Variants in RSRC2 observed in about 807,000 individuals in gnomAD.
RSRC2 encodes arginine/serine-rich coiled-coil protein 2.
In RSRC2, 5 loss-of-function variants were observed where a neutral mutation model predicts 61.3. The ratio of observed to expected loss-of-function variants is 0.08; its 90% confidence interval spans 0.04 to 0.17. The LOEUF is 0.17. Ranked by LOEUF, RSRC2 falls within the 10% of genes least tolerant of loss-of-function variation. RSRC2 has a pLI of 1.00. For missense variants in RSRC2, 381 were observed against 518.8 expected, an observed-to-expected ratio of 0.73 and a Z score of 2.58; for synonymous variants, 202 against 166.5, an observed-to-expected ratio of 1.21 and a Z score of -1.64.
chr12:122,513,719 G>C (rs1179102880), intron 6 of RSRC2: 18 of 883,010 alleles, frequency 2.0e-5, no homozygotes, highest in Non-Finnish European at 2.0e-5. Context: ...TGAAGATTTG[G>C]AATTAATACC....
chr12:122,515,336 G>A, intron 5 of RSRC2, 109 bp from the exon 6 acceptor site: 1 of 1,100,108 alleles, frequency 9.1e-7, no homozygotes, highest in Non-Finnish European at 1.3e-6. Flanking sequence ...AAAACATTTA[G>A]TTTGAGATGC....
At chr12:122,525,374 C>G (rs1300990383) in intron 1 of RSRC2, among the ~76,000 whole-genome samples, 1 of 152,018 alleles carries the variant, frequency 6.6e-6, no homozygotes, top group East Asian at 1.9e-4. Context: ...AAAACTCCGT[C>G]TCGAAAAAAT....
intron 6 of RSRC2, among the ~76,000 whole-genome samples, chr12:122,512,844 T>C (rs1958628225): frequency 6.6e-6 from 1 of 152,038 alleles, no homozygotes; most frequent in Non-Finnish European, 1.5e-5. Flanking sequence ...AGGCATAACA[T>C]AGACTTGACT....
At position 122,525,031 on chromosome 12, in the gene RSRC2, T is replaced by C. The variant is rs529265567; in HGVS notation, c.6+1817A>G. Among the ~76,000 whole-genome samples the C allele has an allele frequency of 2.6e-5, 4 of 152,282 alleles. No individual in the cohort carries two copies. In the East Asian group the frequency reaches 7.7e-4, roughly 29 times the overall value. On this transcript the variant is annotated intron_variant, in intron 1 of 9. Transcript: ENST00000331738. ...GTCACTTCTCTAGGGGACTGTCTTT[T>C]TATTGAACAAGGCACGGCATAAATA...
At chr12:122,515,508 T>C (rs61453559) in intron 5 of RSRC2, among the ~76,000 whole-genome samples, 25,064 of 152,066 alleles carry the variant, frequency 0.16, 2,372 homozygotes, top group East Asian at 0.43. Context: ...TCTACAAGCA[T>C]GCCCCACCGC....
chr12:122,517,513 T>C (rs1959030024), intron 4 of RSRC2, 83 bp from the exon 5 acceptor site: 4 of 1,536,362 alleles, frequency 2.6e-6, no homozygotes, highest in Non-Finnish European at 3.6e-6. Context: ...TTACTTGTAG[T>C]AACGCAATAA....
intron 4 of RSRC2, 64 bp from the exon 5 acceptor site, chr12:122,517,494 A>G: frequency 6.3e-7 from 1 of 1,594,224 alleles, no homozygotes; most frequent in African/African-American, 1.3e-5. Context: ...TATACACATC[A>G]TGAATTAGTT....
intron 4 of RSRC2, among the ~76,000 whole-genome samples, chr12:122,517,976 T>TA (rs1420827774): frequency 6.6e-6 from 1 of 152,216 alleles, no homozygotes; most frequent in African/African-American, 2.4e-5. Context: ...AACAATATGA[T>TA]TTTTTCAGTG....
rs1565915079 is a variant in RSRC2, at chr12:122,526,703, C to T, written c.6+145G>A. 7 of 901,626 alleles carry T rather than the reference C, an allele frequency of 7.8e-6. No homozygotes were observed. In the East Asian group the frequency reaches 1.5e-4, roughly 19 times the overall value. 55.9% of individuals were successfully genotyped at this position (901,626 alleles called of 1,614,324 possible). A position where few individuals can be genotyped will look rare whatever the true frequency, so the allele number is the denominator to read the frequency against. On this transcript the variant is annotated intron_variant, in intron 1 of 9. Transcript: ENST00000331738. The stretch of plus-strand genomic sequence containing the variant: ...CTTACTTCCCCCTCCCTACAGCAGG[C>T]AGCCATGATGGCGGGCGCAGAAGAA...
intron 1 of RSRC2, among the ~76,000 whole-genome samples, chr12:122,525,839 T>C (rs1435189921): frequency 1.2e-4 from 1 of 8,212 alleles, no homozygotes; most frequent in Non-Finnish European, 2.0e-4. Flanking sequence ...TTTTTTTTTT[T>C]GAGACGGAGT....
intron 7 of RSRC2, among the ~76,000 whole-genome samples, chr12:122,508,659 T>TA (rs1958276821): frequency 6.6e-6 from 1 of 152,172 alleles, no homozygotes; most frequent in Admixed American, 6.6e-5. Context: ...AAACCCTTGA[T>TA]ATATAAACCA....
chr12:122,507,004 TAA>T, intron 8 of RSRC2, 81 bp from the exon 9 acceptor site: 8 of 594,214 alleles, frequency 1.3e-5, no homozygotes, highest in Admixed American at 3.0e-5. Flanking sequence ...ATGTCTAAAT[TAA>T]AAAAAAAAAC....
intron 4 of RSRC2, among the ~76,000 whole-genome samples, chr12:122,518,521 A>G (rs7135827): frequency 0.03 from 4,618 of 151,592 alleles, 248 homozygotes; most frequent in African/African-American, 0.11. Context: ...TGAACCCAGG[A>G]GGCAGAGGTT....
chr12:122,508,586 A>C (rs1958272416), intron 7 of RSRC2, 139 bp from the exon 8 acceptor site: 1 of 658,710 alleles, frequency 1.5e-6, no homozygotes, highest in African/African-American at 1.8e-5. Flanking sequence ...GAAATGACTG[A>C]GTATTAGCTC....
chr12:122,526,502 C>G (rs1292781322), intron 1 of RSRC2, among the ~76,000 whole-genome samples: 1 of 152,144 alleles, frequency 6.6e-6, no homozygotes, highest in Non-Finnish European at 1.5e-5. Flanking sequence ...GCCCCTTTCT[C>G]CACCGCAAAT....
At chr12:122,506,993 A>T (rs1156321550) in intron 8 of RSRC2, 70 bp from the exon 9 acceptor site, 9 of 818,336 alleles carry the variant, frequency 1.1e-5, no homozygotes, top group African/African-American at 1.7e-5. Context: ...ATCTCTCAAC[A>T]ATGTCTAAAT....
At chr12:122,514,647 G>T in intron 6 of RSRC2, 2 of 1,041,648 alleles carry the variant, frequency 1.9e-6, no homozygotes, top group Non-Finnish European at 2.4e-6. Context: ...AAATAAATTA[G>T]CTTATAATGT....
At chr12:122,511,989 TAG>T (rs1386062961) in intron 6 of RSRC2, among the ~76,000 whole-genome samples, 2 of 152,160 alleles carry the variant, frequency 1.3e-5, no homozygotes, top group Non-Finnish European at 2.9e-5. Flanking sequence ...GTATTTTTAG[TAG>T]AGATGGGGTT....
intron 8 of RSRC2, chr12:122,507,245 G>A: frequency 3.0e-6 from 1 of 334,070 alleles, no homozygotes; most frequent in Non-Finnish European, 5.7e-6. Flanking sequence ...CTGGCATGGT[G>A]GTGGGCACCT....
Sources: gnomAD v4.1 joint callset for allele counts (sites outside exome capture counted in the v4.1 genomes callset) on GRCh38, gnomAD v4.1.1 for gene constraint, MANE v1.5 for transcripts, NCBI Gene and HGNC (gene_info 2026-07-23, HGNC 2026-07-21) for gene names.